RNGTT: variants seen among roughly 807,000 people sequenced by gnomAD.
RNGTT encodes the protein mRNA-capping enzyme.
A neutral mutation model predicts 79.3 loss-of-function variants in RNGTT; 33 were observed. The ratio of observed to expected loss-of-function variants is 0.42; its 90% CI spans 0.32 to 0.56. The LOEUF (loss-of-function observed/expected upper bound fraction) is 0.56, where lower values mean the gene tolerates loss of function less well. Ranked by LOEUF, RNGTT falls within the 20% of genes least tolerant of loss-of-function variation. The pLI is 0.17. For missense variants in RNGTT, 497 were observed against 739.1 expected (o/e 0.67, Z 3.80); for synonymous variants, 222 against 235.9 (o/e 0.94, Z 0.54).
At chr6:88,849,512 G>A (rs372521378) in intron 10 of RNGTT, among the ~76,000 whole-genome samples, 66 of 151,870 alleles carry the variant, frequency 4.3e-4, no homozygotes, top group African/African-American at 1.4e-3. Flanking sequence ...TATTTTATCA[G>A]AGTTATGCCA....
chr6:88,678,556 A>G, intron 13 of RNGTT, 137 bp from the exon 14 acceptor site: 1 of 390,142 alleles, frequency 2.6e-6, no homozygotes. Context: ...GAAAAGTAAT[A>G]ACTGTGTAAT....
At chr6:88,809,347 G>A (rs1054929154) in intron 11 of RNGTT, among the ~76,000 whole-genome samples, 1 of 152,062 alleles carries the variant, frequency 6.6e-6, no homozygotes, top group African/African-American at 2.4e-5. Context: ...AAAATCACTA[G>A]TAGTAAAGAC....
intron 14 of RNGTT, among the ~76,000 whole-genome samples, chr6:88,633,960 T>C (rs1206846610): frequency 6.6e-6 from 1 of 152,148 alleles, no homozygotes; most frequent in Non-Finnish European, 1.5e-5. Context: ...CCAAAATAGC[T>C]AAGGCATCCT....
intron 1 of RNGTT, among the ~76,000 whole-genome samples, chr6:88,949,159 G>GAAAAAAAAAAAAAAA: frequency 5.7e-4 from 29 of 50,512 alleles, no homozygotes; most frequent in Non-Finnish European, 7.9e-4. Flanking sequence ...AAAATAAAAT[G>GAAAAAAAAAAAAAAA]AAAAAAAAAA....
chr6:88,779,343 A>G (rs1312736359), intron 12 of RNGTT, among the ~76,000 whole-genome samples: 6 of 152,364 alleles, frequency 3.9e-5, no homozygotes, highest in African/African-American at 1.4e-4. Context: ...AAGAACACTT[A>G]GAAACCAATA....
intron 11 of RNGTT, among the ~76,000 whole-genome samples, chr6:88,833,577 A>G (rs1406839418): frequency 6.6e-6 from 1 of 152,204 alleles, no homozygotes; most frequent in Non-Finnish European, 1.5e-5. Flanking sequence ...TTAAAGCATA[A>G]TTTTTAGAAA....
intron 13 of RNGTT, among the ~76,000 whole-genome samples, chr6:88,728,893 G>A (rs751615941): frequency 5.3e-5 from 8 of 152,200 alleles, no homozygotes; most frequent in Non-Finnish European, 8.8e-5. Context: ...GGTTGAAATA[G>A]ATCAAATATT....
intron 5 of RNGTT, among the ~76,000 whole-genome samples, chr6:88,905,871 G>A (rs1204612458): frequency 6.6e-6 from 1 of 152,216 alleles, no homozygotes; most frequent in Non-Finnish European, 1.5e-5. Flanking sequence ...CTGGCTGGGT[G>A]TGGTGGCTCA....
At chr6:88,912,585 T>C (rs1182463933) in intron 4 of RNGTT, among the ~76,000 whole-genome samples, 2 of 151,402 alleles carry the variant, frequency 1.3e-5, no homozygotes, top group East Asian at 3.9e-4. Context: ...GAAAACCATA[T>C]AGTGAAATGA....
chr6:88,721,461 T>C (rs1417657160), intron 13 of RNGTT, among the ~76,000 whole-genome samples: 3 of 152,052 alleles, frequency 2.0e-5, no homozygotes, highest in East Asian at 3.9e-4. Flanking sequence ...TTTTTATATA[T>C]AGTAACATTT....
rs893700495 is a variant in RNGTT, at chr6:88,610,459, T to C, written c.*2260A>G. 6.6e-6 allele frequency: 1 copy of C among 152,500 alleles called. No homozygotes were observed. The highest frequency in any genetic ancestry group is 2.4e-5 in the African/African-American group (1 of 41,464). 9.4% of individuals were successfully genotyped at this position (152,500 alleles called of 1,614,324 possible). ...AACTGAAGAAAGCAAAGTTTTCTTATTCTTGTCTAAAAAACTTCAGTCTCA... is the reference window on the plus strand; with the variant it reads ...AACTGAAGAAAGCAAAGTTTTCTTACTCTTGTCTAAAAAACTTCAGTCTCA... On this transcript the variant is annotated 3_prime_UTR_variant, in exon 16 of 16. Coordinates refer to ENST00000369485, the MANE Select transcript of RNGTT (RefSeq NM_003800.5).
chr6:88,848,800 G>C (rs1190658975), intron 10 of RNGTT, among the ~76,000 whole-genome samples: 3 of 151,926 alleles, frequency 2.0e-5, no homozygotes, highest in East Asian at 3.9e-4. Context: ...AACTTCTATT[G>C]GATTCGTAAT....
At chr6:88,704,370 T>C (rs1178224457) in intron 13 of RNGTT, among the ~76,000 whole-genome samples, 2 of 150,906 alleles carry the variant, frequency 1.3e-5, no homozygotes, top group Non-Finnish European at 1.5e-5. Context: ...ACCAGAGTAA[T>C]ACCTGCCCAT....
At chr6:88,720,948 T>A (rs892021201) in intron 13 of RNGTT, among the ~76,000 whole-genome samples, 3 of 152,090 alleles carry the variant, frequency 2.0e-5, no homozygotes, top group Admixed American at 6.5e-5. Flanking sequence ...GTTCAAACTT[T>A]GGATGGTATT....
At chr6:88,715,428 C>G (rs965824350) in intron 13 of RNGTT, among the ~76,000 whole-genome samples, 2 of 152,072 alleles carry the variant, frequency 1.3e-5, no homozygotes, top group Non-Finnish European at 2.9e-5. Flanking sequence ...CCCCATCAAG[C>G]TACCAATGAC....
At chr6:88,723,990 G>A (rs2127815055) in intron 13 of RNGTT, among the ~76,000 whole-genome samples, 1 of 152,258 alleles carries the variant, frequency 6.6e-6, no homozygotes, top group Non-Finnish European at 1.5e-5. Context: ...CTCCCAAAGT[G>A]ATAAGATTAC....
intron 8 of RNGTT, among the ~76,000 whole-genome samples, chr6:88,865,669 A>G (rs1280684281): frequency 6.6e-6 from 1 of 152,170 alleles, no homozygotes; most frequent in Non-Finnish European, 1.5e-5. Context: ...AACTCAAAAC[A>G]GAGAATTCAT....
intron 8 of RNGTT, among the ~76,000 whole-genome samples, chr6:88,873,510 T>A (rs936117877): frequency 2.0e-5 from 3 of 152,100 alleles, no homozygotes; most frequent in Admixed American, 2.0e-4. Context: ...ACTTGGCACA[T>A]AACAGACACT....
chr6:88,665,372 G>A (rs1774359617), intron 14 of RNGTT, among the ~76,000 whole-genome samples: 1 of 152,120 alleles, frequency 6.6e-6, no homozygotes, highest in South Asian at 2.1e-4. Flanking sequence ...TTCATCTTAA[G>A]CACCTGAGGA....
Sources: gnomAD v4.1 joint callset for allele counts (sites outside exome capture counted in the v4.1 genomes callset) on GRCh38, gnomAD v4.1.1 for gene constraint, MANE v1.5 for transcripts, NCBI Gene and HGNC (gene_info 2026-07-23, HGNC 2026-07-21) for gene names.